Variants in EPHA6 observed in about 807,000 individuals in gnomAD.
The protein encoded by EPHA6 is EPH receptor A6, also known as ephrin type-A receptor 6.
Under a neutral mutation model 112.0 loss-of-function variants are expected in EPHA6, and 50 were observed. That is an observed-to-expected ratio of 0.45 (90% CI 0.36 to 0.56). EPHA6 has a LOEUF of 0.56. Ranked by LOEUF, EPHA6 falls within the 20% of genes least tolerant of loss-of-function variation. The pLI is 0.00. For synonymous variants in EPHA6, 529 were observed against 490.7 expected (o/e 1.08, Z -1.03); for missense variants, 1,280 against 1,417.4 (o/e 0.90, Z 1.56).
At chr3:97,378,242 C>A (rs1257503495) in intron 5 of EPHA6, among the ~76,000 whole-genome samples, 1 of 152,182 alleles carries the variant, frequency 6.6e-6, no homozygotes, top group Non-Finnish European at 1.5e-5. Flanking sequence ...AAGCCCCAAG[C>A]CTTGGCACCT....
Position 97,755,437 on chromosome 3 carries a change from A to G in EPHA6, c.*6736A>G, listed in dbSNP as rs2036003444. Among the ~76,000 whole-genome samples the G allele has an allele frequency of 6.6e-6, 1 of 152,082 alleles. No individual in the cohort carries two copies. Among genetic ancestry groups the G allele is most frequent in the Non-Finnish European group, 1.5e-5 (1 of 67,984 alleles). ...TCATAATAAACTCATTTCTGGTTAG[A>G]TAATAAGTTATAATCTCAACAAATC... is the stretch of plus-strand genomic sequence containing the variant. On this transcript the variant is annotated 3_prime_UTR_variant, in exon 18 of 18. Coordinates refer to ENST00000389672, the MANE Select transcript of EPHA6 (RefSeq NM_001080448.3).
chr3:97,434,465 T>C (rs1235395592), intron 6 of EPHA6, among the ~76,000 whole-genome samples: 8 of 152,160 alleles, frequency 5.3e-5, no homozygotes, highest in Non-Finnish European at 1.2e-4. Context: ...GGCTAAAAAG[T>C]CATACGTCCT....
At chr3:97,092,284 T>G (rs9875126) in intron 3 of EPHA6, among the ~76,000 whole-genome samples, 1 of 151,848 alleles carries the variant, frequency 6.6e-6, no homozygotes. Flanking sequence ...TGCTGAGCAA[T>G]GGGGATATCA....
chr3:96,940,820 C>T (rs906986579), intron 2 of EPHA6, among the ~76,000 whole-genome samples: 1 of 152,076 alleles, frequency 6.6e-6, no homozygotes, highest in Non-Finnish European at 1.5e-5. Context: ...TCGGCATTTG[C>T]TTGTCTGTAA....
chr3:97,137,496 G>A (rs1223246757), intron 3 of EPHA6, among the ~76,000 whole-genome samples: 1 of 152,116 alleles, frequency 6.6e-6, no homozygotes, highest in African/African-American at 2.4e-5. Flanking sequence ...AACTGAAGCT[G>A]TTTTGAGGAT....
intron 2 of EPHA6, among the ~76,000 whole-genome samples, chr3:96,979,670 G>C (rs1425759372): frequency 1.3e-5 from 2 of 152,154 alleles, no homozygotes; most frequent in East Asian, 3.9e-4. Flanking sequence ...CCCACCAACA[G>C]TGTAAAAGTG....
intron 2 of EPHA6, among the ~76,000 whole-genome samples, chr3:96,938,284 T>G (rs565864563): frequency 9.2e-5 from 14 of 152,320 alleles, no homozygotes; most frequent in Admixed American, 3.9e-4. Context: ...TTTATTTCCT[T>G]GAGCAGTGGT....
At chr3:96,893,430 C>T (rs755538487) in intron 2 of EPHA6, among the ~76,000 whole-genome samples, 16 of 152,032 alleles carry the variant, frequency 1.1e-4, no homozygotes, top group Non-Finnish European at 2.1e-4. Context: ...CATTATGACC[C>T]CAACCATATA....
intron 11 of EPHA6, among the ~76,000 whole-genome samples, chr3:97,570,561 C>G (rs2093322997): frequency 6.6e-6 from 1 of 152,104 alleles, no homozygotes; most frequent in Non-Finnish European, 1.5e-5. Flanking sequence ...GAAACCCCAT[C>G]TCTACTAAAA....
chr3:96,969,719 TCCA>T (rs1185927939), intron 2 of EPHA6, among the ~76,000 whole-genome samples: 1 of 151,980 alleles, frequency 6.6e-6, no homozygotes, highest in Admixed American at 6.6e-5. Flanking sequence ...AAACCAACAC[TCCA>T]CCAAATATTT....
chr3:97,480,988 C>T (rs1200659726), intron 9 of EPHA6, among the ~76,000 whole-genome samples: 2 of 151,068 alleles, frequency 1.3e-5, no homozygotes, highest in Non-Finnish European at 2.9e-5. Flanking sequence ...CCTCACTTCC[C>T]AGACTGGGTG....
At chr3:97,570,635 C>T (rs1405229455) in intron 11 of EPHA6, among the ~76,000 whole-genome samples, 1 of 151,586 alleles carries the variant, frequency 6.6e-6, no homozygotes, top group South Asian at 2.1e-4. Flanking sequence ...GAGGCTGAGG[C>T]AGATAATTGC....
chr3:97,493,798 A>G (rs2107530951), intron 10 of EPHA6, among the ~76,000 whole-genome samples: 1 of 152,290 alleles, frequency 6.6e-6, no homozygotes, highest in Middle Eastern at 3.4e-3. Context: ...GCTCTGTCTG[A>G]ACTTAGAGCT....
intron 3 of EPHA6, among the ~76,000 whole-genome samples, chr3:97,195,134 G>C (rs2077406190): frequency 6.6e-6 from 1 of 151,730 alleles, no homozygotes. Flanking sequence ...AGCTTGTTTT[G>C]TGGTCTTCTC....
chr3:97,237,918 G>T (rs989368072), intron 4 of EPHA6, among the ~76,000 whole-genome samples: 5 of 151,788 alleles, frequency 3.3e-5, no homozygotes, highest in African/African-American at 1.2e-4. Context: ...ATATTTAAGT[G>T]CTCTTTTTCT....
At chr3:97,055,093 A>G (rs2045810445) in intron 3 of EPHA6, among the ~76,000 whole-genome samples, 1 of 152,138 alleles carries the variant, frequency 6.6e-6, no homozygotes, top group African/African-American at 2.4e-5. Flanking sequence ...ACTCTTTAAA[A>G]AGCACCAAAT....
intron 3 of EPHA6, among the ~76,000 whole-genome samples, chr3:97,017,440 C>T (rs1009845246): frequency 6.6e-6 from 1 of 152,148 alleles, no homozygotes; most frequent in Non-Finnish European, 1.5e-5. Context: ...AGGGAATTGT[C>T]CATCCCGGCA....
At chr3:96,938,836 C>G (rs1386480726) in intron 2 of EPHA6, among the ~76,000 whole-genome samples, 1 of 152,106 alleles carries the variant, frequency 6.6e-6, no homozygotes, top group African/African-American at 2.4e-5. Flanking sequence ...TGAATTTTGT[C>G]AAAGACCTTT....
At chr3:97,016,327 C>T (rs961901144) in intron 3 of EPHA6, among the ~76,000 whole-genome samples, 12 of 152,210 alleles carry the variant, frequency 7.9e-5, no homozygotes, top group Non-Finnish European at 1.2e-4. Flanking sequence ...TGATTCAAAG[C>T]TTTTTCTCTG....
Sources: allele counts gnomAD v4.1 joint callset (sites outside exome capture counted in the v4.1 genomes callset), GRCh38; gene constraint gnomAD v4.1.1; transcripts MANE v1.5; gene names NCBI Gene and HGNC (gene_info 2026-07-23, HGNC 2026-07-21).